The following MACROD2 variants were observed in gnomAD, a reference collection of about 807,000 sequenced individuals.
The protein encoded by MACROD2 is mono-ADP ribosylhydrolase 2.
In MACROD2, 36 loss-of-function variants were observed where a neutral mutation model predicts 70.4. That is an observed-to-expected ratio of 0.51 (90% CI 0.39 to 0.68). The LOEUF (loss-of-function observed/expected upper bound fraction) is 0.68, where lower values mean the gene tolerates loss of function less well. Ranked by LOEUF, MACROD2 falls within the 30% of genes least tolerant of loss-of-function variation. The pLI, the probability that MACROD2 is intolerant of heterozygous loss-of-function variation, is 0.00. For synonymous variants in MACROD2, 172 were observed against 178.8 expected, an observed-to-expected ratio of 0.96 and a Z score of 0.30; for missense variants, 496 against 538.4, an observed-to-expected ratio of 0.92 and a Z score of 0.78.
In MACROD2 at chr20:14,354,430, G is replaced by GT. The variant is rs564997720; in HGVS notation, c.272-139041dup. The stretch of plus-strand genomic sequence containing the variant: ...CATTTTTTATACCAAAGTCATACAG[G>GT]TTTTTTTTCTATTTCTTATTGAATT... On this transcript the variant is annotated intron_variant, in intron 3 of 17. Coordinates refer to ENST00000684519, the MANE Select transcript of MACROD2 (RefSeq NM_001351661.2). Among the ~76,000 whole-genome samples the GT allele has an allele frequency of 1.4e-4, 22 of 151,856 alleles. No homozygotes were observed. The South Asian group carries it at 3.5e-3, about 24-fold the overall frequency.
At chr20:14,057,186 G>T (rs1213962900) in intron 2 of MACROD2, among the ~76,000 whole-genome samples, 2 of 152,106 alleles carry the variant, frequency 1.3e-5, no homozygotes, top group East Asian at 3.8e-4. Context: ...CTATCAGACT[G>T]AAAGTATCAG....
At chr20:15,332,828 G>C (rs1439765023) in intron 6 of MACROD2, among the ~76,000 whole-genome samples, 2 of 151,610 alleles carry the variant, frequency 1.3e-5, no homozygotes, top group Non-Finnish European at 2.9e-5. Flanking sequence ...TGAGACCACA[G>C]ATTTCTTTGC....
At position 14,213,514 on chromosome 20, in the gene MACROD2, T is replaced by C. The variant is rs1411539401; in HGVS notation, c.271+127786T>C. Among the ~76,000 whole-genome samples the C allele has an allele frequency of 2.6e-5, 4 of 151,586 alleles. No individual in the cohort carries two copies. The South Asian group carries it at 8.3e-4, about 32-fold the overall frequency. ...TTGAATAGAATAACAGAGACTTTAG[T>C]AACAAATTTAAACCCAAGCATAGCA... On this transcript the variant is annotated intron_variant, in intron 3 of 17. Transcript: ENST00000684519.
intron 4 of MACROD2, among the ~76,000 whole-genome samples, chr20:14,668,168 G>A (rs2070757196): frequency 6.6e-6 from 1 of 150,742 alleles, no homozygotes. Context: ...AAAAAAAAAA[G>A]GCTCTCACTT....
intron 5 of MACROD2, among the ~76,000 whole-genome samples, chr20:15,094,061 C>T (rs117137495): frequency 4.6e-5 from 7 of 152,160 alleles, no homozygotes; most frequent in Non-Finnish European, 7.4e-5. Flanking sequence ...TAGTGAGTAT[C>T]GTATATGTCA....
chr20:14,183,063 T>C (rs551202841), intron 3 of MACROD2, among the ~76,000 whole-genome samples: 5 of 145,960 alleles, frequency 3.4e-5, no homozygotes, highest in African/African-American at 1.2e-4. Context: ...ATGTAACCTA[T>C]TTGTTACATA....
rs117080633 is a variant in MACROD2, at chr20:15,277,774, T to C, written c.540+47713T>C. Among the ~76,000 whole-genome samples, 104 of 151,998 alleles carry C rather than the reference T, an allele frequency of 6.8e-4. 2 individuals carry two copies. In the East Asian group the frequency reaches 0.019, roughly 27 times the overall value. The stretch of plus-strand genomic sequence containing the variant: ...GTATGTTACTTAAATTATCTAAGCC[T>C]CAGAAAAAGGAAGGAATTGGGGAAG... On this transcript the variant is annotated intron_variant, in intron 6 of 17. Coordinates refer to ENST00000684519, the MANE Select transcript of MACROD2 (RefSeq NM_001351661.2).
At chr20:14,493,873 T>G (rs2123106811) in intron 4 of MACROD2, 1 of 154,230 alleles carries the variant, frequency 6.5e-6, no homozygotes, top group Non-Finnish European at 1.4e-5. Context: ...ACAGAACATT[T>G]GGAGGCTATG....
At chr20:15,369,970 C>A (rs1298169262) in intron 6 of MACROD2, among the ~76,000 whole-genome samples, 1 of 152,096 alleles carries the variant, frequency 6.6e-6, no homozygotes, top group Non-Finnish European at 1.5e-5. Context: ...TCTCTGACCT[C>A]TGTTTTGCTG....
At chr20:14,928,687 A>T (rs778059768) in intron 5 of MACROD2, among the ~76,000 whole-genome samples, 1 of 152,184 alleles carries the variant, frequency 6.6e-6, no homozygotes, top group Non-Finnish European at 1.5e-5. Flanking sequence ...ATGATGCCAC[A>T]TGGTAGCTGA....
chr20:15,663,364 A>G (rs2049849842), intron 8 of MACROD2, among the ~76,000 whole-genome samples: 2 of 150,986 alleles, frequency 1.3e-5, no homozygotes, highest in African/African-American at 4.9e-5. Context: ...CCTCCTGAGT[A>G]GCTGGGACTA....
intron 6 of MACROD2, among the ~76,000 whole-genome samples, chr20:15,421,989 A>G (rs2046234714): frequency 2.0e-5 from 3 of 152,200 alleles, no homozygotes; most frequent in Admixed American, 2.0e-4. Context: ...AGTATTTGGG[A>G]AATGGAGTAT....
intron 4 of MACROD2, among the ~76,000 whole-genome samples, chr20:14,514,536 C>T (rs1057224966): frequency 1.3e-5 from 2 of 152,094 alleles, no homozygotes; most frequent in African/African-American, 2.4e-5. Context: ...GAAACAATTA[C>T]GTTAGACTAC....
intron 5 of MACROD2, among the ~76,000 whole-genome samples, chr20:14,954,763 T>TAAA (rs1267489369): frequency 3.5e-4 from 17 of 48,596 alleles, no homozygotes; most frequent in South Asian, 1.9e-3. Flanking sequence ...TATAAATAAA[T>TAAA]TTTATATAAC....
rs1357772323 is a variant in MACROD2, at chr20:14,861,981, ATATATATATATTTATATATATATT to A, written c.418+177034_418+177057del. 3.6e-4 allele frequency among the ~76,000 whole-genome samples: 18 copies of A among 49,696 alleles called. 1 individual carries two copies. The highest frequency in any genetic ancestry group is 1.3e-3 in the African/African-American group (18 of 13,552). The allele number at this position is 49,696 out of a possible 152,430, so 32.6% of individuals were successfully genotyped here. ...CATTGGAGGTTTTATATATAAATAT[ATATATATATATTTATATATATATT>A]TATATATATATATTTATATATATTT... is the stretch of plus-strand genomic sequence containing the variant. On this transcript the variant is annotated intron_variant, in intron 5 of 17. Coordinates refer to ENST00000684519, the MANE Select transcript of MACROD2 (RefSeq NM_001351661.2).
chr20:14,209,199 C>A (rs1463736774), intron 3 of MACROD2, among the ~76,000 whole-genome samples: 1 of 152,186 alleles, frequency 6.6e-6, no homozygotes. Context: ...AGCTTACTTG[C>A]ATAATCATTT....
At chr20:15,043,642 C>A (rs1044919440) in intron 5 of MACROD2, among the ~76,000 whole-genome samples, 2 of 152,108 alleles carry the variant, frequency 1.3e-5, no homozygotes, top group African/African-American at 4.8e-5. Flanking sequence ...GCAGTCTGGG[C>A]ATGGTGGAGA....
chr20:14,108,474 A>T (rs2054401275), intron 3 of MACROD2, among the ~76,000 whole-genome samples: 3 of 147,598 alleles, frequency 2.0e-5, no homozygotes. Context: ...GGCTAAGTGG[A>T]TAAAAAAAAA....
chr20:15,931,684 C>T (rs180714250), intron 10 of MACROD2, among the ~76,000 whole-genome samples: 1 of 152,128 alleles, frequency 6.6e-6, no homozygotes, highest in African/African-American at 2.4e-5. Flanking sequence ...TCCACCGTCA[C>T]AAACGGCACA....
Sources: allele counts gnomAD v4.1 joint callset (sites outside exome capture counted in the v4.1 genomes callset), GRCh38; gene constraint gnomAD v4.1.1; transcripts MANE v1.5; gene names NCBI Gene and HGNC (gene_info 2026-07-23, HGNC 2026-07-21).